Variants in AHCY observed in about 807,000 individuals in gnomAD.
The protein encoded by AHCY is S-adenosyl-L-homocysteine hydrolase.
A neutral mutation model predicts 45.4 loss-of-function variants in AHCY; 24 were observed. The observed-to-expected ratio is 0.53, with a 90% confidence interval of 0.38 to 0.74. The LOEUF (loss-of-function observed/expected upper bound fraction) is 0.74. Ranked by LOEUF, AHCY falls within the 30% of genes least tolerant of loss-of-function variation. The pLI is 0.00. For synonymous variants in AHCY, 245 were observed against 235.1 expected (o/e 1.04, Z -0.39); for missense variants, 449 against 594.1 (o/e 0.76, Z 2.54).
At position 34,285,570 on chromosome 20, in the gene AHCY, T is replaced by G. The variant is rs111951121; in HGVS notation, c.1037A>C (p.Asn346Thr). 1.2e-6 allele frequency: 2 copies of G among 1,614,122 alleles called. No homozygotes were observed. The highest frequency in any genetic ancestry group is 1.7e-6 in the Non-Finnish European group (2 of 1,180,018). The change falls in exon 9 of 10, where the codon AAC becomes ACC. Residue 346 changes from asparagine to threonine, a missense_variant. Coordinates refer to ENST00000217426, the MANE Select transcript of AHCY (RefSeq NM_000687.4). Reference sequence around the variant, plus strand: ...GGGGTGGCCCATGGCACAACCCAGGTTGACCAGCCGACCCTCGGCCAGCAG... The same window carrying G: ...GGGGTGGCCCATGGCACAACCCAGGGTGACCAGCCGACCCTCGGCCAGCAG... ...IILLAEGRLV[N>T]LGCAMGHPSF...
At chr20:34,232,171 T>C in the AHCY span, among the ~76,000 whole-genome samples, 1 of 152,340 alleles carries the variant, frequency 6.6e-6, no homozygotes, top group East Asian at 1.9e-4. Flanking sequence ...AAGCAGTAAG[T>C]GAGCTTGCTT....
the AHCY span, chr20:34,269,439 G>A: frequency 8.9e-6 from 4 of 448,844 alleles, no homozygotes; most frequent in Non-Finnish European, 1.6e-5. Context: ...AGGAAACCCG[G>A]GCGTCCCAGC....
At chr20:34,248,963 C>CAAA in the AHCY span, among the ~76,000 whole-genome samples, 6 of 129,336 alleles carry the variant, frequency 4.6e-5, no homozygotes, top group African/African-American at 1.4e-4. Context: ...ACCAAAAATA[C>CAAA]AAAAAAAAAA....
the AHCY span, chr20:34,269,229 G>T: frequency 7.0e-7 from 1 of 1,432,752 alleles, no homozygotes; most frequent in Non-Finnish European, 9.1e-7. Flanking sequence ...TTCTCGGGCG[G>T]GTGATCCCTA....
the AHCY span, among the ~76,000 whole-genome samples, chr20:34,266,107 A>G: frequency 6.6e-6 from 1 of 152,032 alleles, no homozygotes; most frequent in Non-Finnish European, 1.5e-5. Flanking sequence ...TAATCCCAGC[A>G]CTTTGGGAGG....
upstream of AHCY, among the ~76,000 whole-genome samples, chr20:34,304,174 C>T (rs1182635858): frequency 6.6e-6 from 1 of 152,218 alleles, no homozygotes; most frequent in East Asian, 1.9e-4. Flanking sequence ...CTTTATATAT[C>T]AACCGTATTT....
At chr20:34,305,509 C>G (rs1200779030), upstream of AHCY, among the ~76,000 whole-genome samples, 2 of 152,132 alleles carry the variant, frequency 1.3e-5, no homozygotes, top group African/African-American at 4.8e-5. Flanking sequence ...GCATCCCTTT[C>G]AGCATTCTGC....
upstream of AHCY, among the ~76,000 whole-genome samples, chr20:34,306,661 G>T (rs1162877547): frequency 2.6e-5 from 4 of 152,078 alleles, no homozygotes; most frequent in African/African-American, 4.8e-5. Context: ...AAGCCACCAC[G>T]CCCAGCCAGG....
At chr20:34,235,697 T>A in the AHCY span, among the ~76,000 whole-genome samples, 1 of 148,782 alleles carries the variant, frequency 6.7e-6, no homozygotes, top group Non-Finnish European at 1.5e-5. Flanking sequence ...GGTGGGAGGA[T>A]TGCTAGAGCC....
At chr20:34,253,499 G>A in the AHCY span, among the ~76,000 whole-genome samples, 1 of 150,636 alleles carries the variant, frequency 6.6e-6, no homozygotes, top group African/African-American at 2.4e-5. Context: ...TAGAGACAGA[G>A]TCTTGCTCCG....
chr20:34,263,981 A>G, the AHCY span, among the ~76,000 whole-genome samples: 1 of 152,142 alleles, frequency 6.6e-6, no homozygotes, highest in Non-Finnish European at 1.5e-5. Context: ...GACTTTTTAA[A>G]TTGGAAAATA....
chr20:34,309,854 GA>G (rs1472674725), intron 1 of AHCY, among the ~76,000 whole-genome samples: 7 of 150,718 alleles, frequency 4.6e-5, no homozygotes, highest in Non-Finnish European at 8.9e-5. Flanking sequence ...GAGCAGGACA[GA>G]AGGAAGGAGG....
the AHCY span, among the ~76,000 whole-genome samples, chr20:34,236,072 AAG>A: frequency 1.1e-4 from 16 of 145,958 alleles, no homozygotes; most frequent in African/African-American, 2.8e-4. Flanking sequence ...GAGAGAAAGA[AAG>A]AGAAAGAGAA....
chr20:34,258,691 AC>A, the AHCY span, among the ~76,000 whole-genome samples: 1 of 44,562 alleles, frequency 2.2e-5, no homozygotes, highest in South Asian at 6.1e-4. Context: ...ATATATATAT[AC>A]ATACTATATA....
downstream of AHCY, among the ~76,000 whole-genome samples, chr20:34,275,924 C>T (rs2122699775): frequency 6.6e-6 from 1 of 151,958 alleles, no homozygotes; most frequent in East Asian, 1.9e-4. Context: ...CTCCTGACCT[C>T]AGGTGATCTG....
At chr20:34,283,327 C>G (rs73261430) in intron 9 of AHCY, among the ~76,000 whole-genome samples, 7 of 152,236 alleles carry the variant, frequency 4.6e-5, no homozygotes, top group African/African-American at 1.4e-4. Context: ...CTGACTTTCC[C>G]CATTCGCAGG....
At chr20:34,301,977 T>A in intron 1 of AHCY, 1 of 984,250 alleles carries the variant, frequency 1.0e-6, no homozygotes, top group Non-Finnish European at 1.2e-6. Flanking sequence ...GATGGCATTC[T>A]CCAGACTTAA....
upstream of AHCY, among the ~76,000 whole-genome samples, chr20:34,306,807 A>G (rs182134084): frequency 6.6e-6 from 1 of 152,374 alleles, no homozygotes; most frequent in Admixed American, 6.5e-5. Context: ...ACAAAAACCA[A>G]TTCCAATATA....
intron 1 of AHCY, among the ~76,000 whole-genome samples, chr20:34,308,475 G>A (rs932863527): frequency 6.6e-6 from 1 of 152,108 alleles, no homozygotes; most frequent in African/African-American, 2.4e-5. Flanking sequence ...GCTTGAATCT[G>A]GGAGGTGGAG....
Sources: allele counts gnomAD v4.1 joint callset (sites outside exome capture counted in the v4.1 genomes callset), GRCh38; gene constraint gnomAD v4.1.1; transcripts MANE v1.5; gene names NCBI Gene and HGNC (gene_info 2026-07-23, HGNC 2026-07-21).